EXOC4: variants seen among roughly 807,000 people sequenced by gnomAD.
EXOC4 encodes SEC8-like 1.
Under a neutral mutation model 107.2 loss-of-function variants are expected in EXOC4, and 71 were observed. The ratio of observed to expected loss-of-function variants is 0.66; its 90% CI spans 0.55 to 0.81. The LOEUF (loss-of-function observed/expected upper bound fraction) is 0.81. Ranked by LOEUF, EXOC4 falls within the 30% of genes least tolerant of loss-of-function variation. The probability of loss-of-function intolerance (pLI) is 0.00; values close to 1 mark genes in which losing one functional copy is unlikely to be tolerated. For synonymous variants in EXOC4, 456 were observed against 441.2 expected (o/e 1.03, Z -0.42); for missense variants, 1,108 against 1,189.6 (o/e 0.93, Z 1.01).
the EXOC4 span, among the ~76,000 whole-genome samples, chr7:134,092,414 CTTA>C: frequency 6.6e-6 from 1 of 152,022 alleles, no homozygotes; most frequent in South Asian, 2.1e-4. Context: ...AGATACTGGA[CTTA>C]TTATACAGAT....
chr7:133,728,008 A>G (rs979546188), intron 10 of EXOC4, among the ~76,000 whole-genome samples: 2 of 152,146 alleles, frequency 1.3e-5, no homozygotes, highest in African/African-American at 4.8e-5. Flanking sequence ...CTTTTAAATC[A>G]TTGCCGACTT....
At chr7:133,676,696 C>T (rs1002075296) in intron 10 of EXOC4, among the ~76,000 whole-genome samples, 5 of 152,092 alleles carry the variant, frequency 3.3e-5, no homozygotes, top group African/African-American at 9.7e-5. Flanking sequence ...ATTCTTTTCT[C>T]TCTCTAATTA....
intron 10 of EXOC4, among the ~76,000 whole-genome samples, chr7:133,639,214 T>C (rs1344440022): frequency 2.6e-5 from 4 of 152,190 alleles, no homozygotes; most frequent in Admixed American, 2.0e-4. Flanking sequence ...TGTTTCCTTG[T>C]ATGATTTGGA....
Position 133,432,007 on chromosome 7 carries a change from AT to A in EXOC4, c.1183-43318del, listed in dbSNP as rs535468591. On this transcript the variant is annotated intron_variant, in intron 7 of 17. Coordinates refer to ENST00000253861, the MANE Select transcript of EXOC4 (RefSeq NM_021807.4). The stretch of plus-strand genomic sequence containing the variant: ...TTTGATCAACTGATTGATACCTGGT[AT>A]TTAAAATAACATGTTTAAAAAAGAT... Among the ~76,000 whole-genome samples, 23 of 152,276 alleles carry A rather than the reference AT, an allele frequency of 1.5e-4. 2 individuals carry two copies. In the South Asian group the frequency reaches 4.1e-3, roughly 27 times the overall value.
chr7:133,917,508 G>A, intron 12 of EXOC4, 75 bp from the exon 13 acceptor site: 2 of 1,451,602 alleles, frequency 1.4e-6, no homozygotes, highest in Non-Finnish European at 1.9e-6. Context: ...TTTTCCTGCA[G>A]CAAAGGTAGA....
chr7:133,821,561 G>T (rs1052370845), intron 11 of EXOC4, among the ~76,000 whole-genome samples: 1 of 152,094 alleles, frequency 6.6e-6, no homozygotes, highest in Non-Finnish European at 1.5e-5. Flanking sequence ...ATCTTTGTGG[G>T]TTTTAACATT....
At chr7:133,561,112 CTTG>C (rs1441841662) in intron 9 of EXOC4, among the ~76,000 whole-genome samples, 2 of 152,158 alleles carry the variant, frequency 1.3e-5, no homozygotes, top group East Asian at 1.9e-4. Context: ...AGTTTGTTCC[CTTG>C]TTGTCAGTAA....
chr7:133,883,993 G>T (rs1315393438), intron 11 of EXOC4, among the ~76,000 whole-genome samples: 2 of 152,210 alleles, frequency 1.3e-5, no homozygotes, highest in Non-Finnish European at 2.9e-5. Flanking sequence ...GCCAGCTACA[G>T]CTTAGAGCTG....
intron 14 of EXOC4, among the ~76,000 whole-genome samples, chr7:133,963,746 A>G (rs1440734743): frequency 3.3e-5 from 5 of 152,216 alleles, no homozygotes; most frequent in African/African-American, 1.2e-4. Flanking sequence ...TGTTACTTCA[A>G]TCCTTTAAGC....
At chr7:133,913,618 A>G (rs544167938) in intron 12 of EXOC4, among the ~76,000 whole-genome samples, 2 of 152,318 alleles carry the variant, frequency 1.3e-5, no homozygotes, top group South Asian at 2.1e-4. Flanking sequence ...AATAGGGAAC[A>G]TTAGATGCTC....
In EXOC4 at chr7:134,064,609, A is replaced by T; in HGVS notation, c.*81A>T. Reference sequence around the variant, plus strand: ...TTGGTATGTTATTGAGTATATTCTGAGCTTAGTTTTCTCTACAGTGATACT... The same window carrying T: ...TTGGTATGTTATTGAGTATATTCTGTGCTTAGTTTTCTCTACAGTGATACT... On this transcript the variant is annotated 3_prime_UTR_variant, in exon 18 of 18. Transcript: ENST00000253861. 1.1e-6 allele frequency: 1 copy of T among 945,316 alleles called. No individual in the cohort carries two copies. Among genetic ancestry groups the T allele is most frequent in the Non-Finnish European group, 1.6e-6 (1 of 641,262 alleles). The allele number at this position is 945,316 out of a possible 1,614,324, so 58.6% of individuals were successfully genotyped here. A position where few individuals can be genotyped will look rare whatever the true frequency, so the allele number is the denominator to read the frequency against.
chr7:133,944,062 T>G (rs1800494356), intron 14 of EXOC4, among the ~76,000 whole-genome samples: 1 of 152,158 alleles, frequency 6.6e-6, no homozygotes, highest in African/African-American at 2.4e-5. Flanking sequence ...ATCTCTCTCA[T>G]CCAGTTCCCC....
At chr7:133,997,091 A>G (rs1794409961) in intron 14 of EXOC4, among the ~76,000 whole-genome samples, 1 of 152,202 alleles carries the variant, frequency 6.6e-6, no homozygotes, top group Non-Finnish European at 1.5e-5. Context: ...TTTCGCCAGC[A>G]TTTGTGTAAG....
chr7:134,054,776 A>G (rs1314910975), intron 17 of EXOC4, among the ~76,000 whole-genome samples: 1 of 152,260 alleles, frequency 6.6e-6, no homozygotes, highest in Non-Finnish European at 1.5e-5. Context: ...TCAAATACGT[A>G]TCAGCCACAG....
At chr7:133,789,041 G>A (rs1173141200) in intron 10 of EXOC4, among the ~76,000 whole-genome samples, 2 of 152,086 alleles carry the variant, frequency 1.3e-5, no homozygotes, top group African/African-American at 4.8e-5. Flanking sequence ...GTCTCCTATC[G>A]GACACTTTTT....
chr7:133,553,922 G>A (rs555450016), intron 9 of EXOC4, among the ~76,000 whole-genome samples: 11 of 152,068 alleles, frequency 7.2e-5, no homozygotes, highest in Admixed American at 5.9e-4. Flanking sequence ...TACCGATCAG[G>A]GGATTTTATG....
chr7:133,917,539 C>G (rs779841784), intron 12 of EXOC4, 44 bp from the exon 13 acceptor site: 1 of 1,580,590 alleles, frequency 6.3e-7, no homozygotes, highest in South Asian at 1.2e-5. Flanking sequence ...AACTGAATAC[C>G]AGGCATCATG....
intron 11 of EXOC4, among the ~76,000 whole-genome samples, chr7:133,865,923 T>C (rs1179231626): frequency 6.6e-6 from 1 of 152,186 alleles, no homozygotes; most frequent in African/African-American, 2.4e-5. Context: ...TCATCAATCA[T>C]TGTGAACTTG....
chr7:133,770,679 A>T (rs1382306925), intron 10 of EXOC4, among the ~76,000 whole-genome samples: 2 of 151,886 alleles, frequency 1.3e-5, no homozygotes, highest in East Asian at 3.9e-4. Context: ...ATTGTACATA[A>T]TCCATTATCC....
Sources: gnomAD v4.1 joint callset for allele counts (sites outside exome capture counted in the v4.1 genomes callset) on GRCh38, gnomAD v4.1.1 for gene constraint, MANE v1.5 for transcripts, NCBI Gene and HGNC (gene_info 2026-07-23, HGNC 2026-07-21) for gene names.